Variants in MAP3K9 observed in about 807,000 individuals in gnomAD.
MAP3K9 encodes mixed lineage kinase 1 (tyr and ser/thr specificity).
Under a neutral mutation model 95.8 loss-of-function variants are expected in MAP3K9, and 46 were observed. The observed-to-expected ratio is 0.48, with a 90% CI of 0.38 to 0.61. MAP3K9 has a LOEUF of 0.61. Ranked by LOEUF, MAP3K9 falls within the 20% of genes least tolerant of loss-of-function variation. MAP3K9 has a pLI of 0.00. For synonymous variants in MAP3K9, 533 were observed against 593.8 expected (o/e 0.90, Z 1.49); for missense variants, 1,296 against 1,474.3 (o/e 0.88, Z 1.98).
chr14:70,736,018 C>G lies in MAP3K9; in HGVS notation c.1856G>C (p.Arg619Thr). 6.2e-7 allele frequency: 1 copy of G among 1,612,220 alleles called. No homozygotes were observed. Among genetic ancestry groups the G allele is most frequent in the Non-Finnish European group, 8.5e-7 (1 of 1,178,330 alleles). ...LASGDEGSPQ[R>T]REKANGLSTP... ...ACTTAAACCATTAGCTTTCTCACGTCTCTGAGGGGATCTTCAATGAATAAA... is the reference window on the plus strand; with the variant it reads ...ACTTAAACCATTAGCTTTCTCACGTGTCTGAGGGGATCTTCAATGAATAAA... The change falls in exon 9 of 12, where the codon AGA (arginine) becomes ACA (threonine). Residue 619 changes from arginine (R) to threonine (T), a missense_variant. Physicochemically the swap from Arg to Thr is moderately conservative, Grantham distance 71. Coordinates refer to ENST00000554752, the MANE Select transcript of MAP3K9 (RefSeq NM_001284230.2).
Position 70,729,539 on chromosome 14 carries a change from T to G in MAP3K9, c.*841A>C, listed in dbSNP as rs1019236776. On this transcript the variant is annotated 3_prime_UTR_variant, in exon 12 of 12. Coordinates refer to ENST00000554752, the MANE Select transcript of MAP3K9 (RefSeq NM_001284230.2). ...AGAAACTATTCCTGGGATGAGCAGA[T>G]GATTGTATCCGAACCTGGTCTGACG... 4.6e-5 allele frequency: 7 copies of G among 152,216 alleles called. No individual in the cohort carries two copies. Among genetic ancestry groups the G allele is most frequent in the Non-Finnish European group, 1.0e-4 (7 of 68,050 alleles). 9.4% of individuals were successfully genotyped at this position (152,216 alleles called of 1,614,324 possible).
At chr14:70,757,442 T>C (rs577684302) in intron 3 of MAP3K9, among the ~76,000 whole-genome samples, 2 of 138,018 alleles carry the variant, frequency 1.4e-5, no homozygotes, top group South Asian at 2.4e-4. Flanking sequence ...GCTCAAGCAA[T>C]TGAGACCCTG....
chr14:70,767,080 G>C (rs2054465573), intron 2 of MAP3K9, among the ~76,000 whole-genome samples: 1 of 152,106 alleles, frequency 6.6e-6, no homozygotes, highest in African/African-American at 2.4e-5. Flanking sequence ...ACAGGACCAG[G>C]CTCTTTGAAA....
At chr14:70,786,200 C>T (rs2054743005) in intron 2 of MAP3K9, among the ~76,000 whole-genome samples, 2 of 152,056 alleles carry the variant, frequency 1.3e-5, no homozygotes, top group African/African-American at 4.8e-5. Flanking sequence ...TGCATTTGGG[C>T]AAAGCAAGCT....
At chr14:70,735,710 C>CTAAAT (rs1448750674) in intron 9 of MAP3K9, among the ~76,000 whole-genome samples, 1 of 152,174 alleles carries the variant, frequency 6.6e-6, no homozygotes, top group African/African-American at 2.4e-5. Flanking sequence ...CTAAGCCTCT[C>CTAAAT]TAAAACCAAG....
chr14:70,780,788 G>C (rs925941065), intron 2 of MAP3K9, among the ~76,000 whole-genome samples: 4 of 152,202 alleles, frequency 2.6e-5, no homozygotes, highest in Admixed American at 1.3e-4. Flanking sequence ...TGACTGAGAA[G>C]AGCTGCCAGA....
chr14:70,806,592 A>G (rs1347626815), intron 1 of MAP3K9, among the ~76,000 whole-genome samples: 1 of 152,238 alleles, frequency 6.6e-6, no homozygotes. Flanking sequence ...TCTATCCAAG[A>G]TAACTTGTAT....
intron 2 of MAP3K9, among the ~76,000 whole-genome samples, chr14:70,791,529 A>G (rs1325018916): frequency 6.6e-6 from 1 of 152,180 alleles, no homozygotes; most frequent in Non-Finnish European, 1.5e-5. Flanking sequence ...CAACCACAGG[A>G]AAGGATGGAG....
chr14:70,805,556 A>T (rs2054980779), intron 1 of MAP3K9, among the ~76,000 whole-genome samples: 1 of 152,232 alleles, frequency 6.6e-6, no homozygotes, highest in Non-Finnish European at 1.5e-5. Flanking sequence ...ATGAATGTAA[A>T]ATGATTTATA....
At chr14:70,750,554 G>C (rs561103701) in intron 3 of MAP3K9, among the ~76,000 whole-genome samples, 1 of 152,046 alleles carries the variant, frequency 6.6e-6, no homozygotes, top group East Asian at 1.9e-4. Flanking sequence ...GCGTGATCTC[G>C]GCTCACTGCA....
chr14:70,772,295 A>C (rs2054542168), intron 2 of MAP3K9, among the ~76,000 whole-genome samples: 1 of 152,198 alleles, frequency 6.6e-6, no homozygotes, highest in Admixed American at 6.5e-5. Context: ...GGTGGAGAGA[A>C]TTGGCTCCTT....
Position 70,735,993 on chromosome 14 carries a change from A to G in MAP3K9, c.1881T>C (p.Ser627=), listed in dbSNP as rs1480425771. 3 of 1,613,624 alleles carry G rather than the reference A, an allele frequency of 1.9e-6. No homozygotes were observed. The highest frequency in any genetic ancestry group is 2.5e-6 in the Non-Finnish European group (3 of 1,179,648). ...GGAAATGTGGAGATTCTGATGGGGT[A>G]CTTAAACCATTAGCTTTCTCACGTC... ...PQRREKANGL[S]TPSESPHFHL... is the part of the protein sequence containing the mutation. The change falls in exon 9 of 12, where the codon AGT becomes AGC. Residue 627 remains serine (S), a synonymous_variant. Coordinates refer to ENST00000554752, the MANE Select transcript of MAP3K9 (RefSeq NM_001284230.2).
intron 3 of MAP3K9, 103 bp from the exon 4 acceptor site, chr14:70,750,184 T>C (rs979947065): frequency 3.9e-6 from 4 of 1,029,508 alleles, no homozygotes; most frequent in African/African-American, 3.2e-5. Context: ...CCCCAACAGA[T>C]AGTGAGACTA....
At chr14:70,799,726 G>A (rs12896914) in intron 2 of MAP3K9, among the ~76,000 whole-genome samples, 3,951 of 152,322 alleles carry the variant, frequency 0.026, 86 homozygotes, top group Middle Eastern at 0.11. Flanking sequence ...GCAAAACAAA[G>A]TCTGAAGGAT....
chr14:70,736,632 TACC>T (rs1243170823), intron 8 of MAP3K9, among the ~76,000 whole-genome samples: 6 of 152,310 alleles, frequency 3.9e-5, no homozygotes, highest in African/African-American at 1.4e-4. Flanking sequence ...GTTAATTTAC[TACC>T]AAGACCAAAA....
intron 11 of MAP3K9, among the ~76,000 whole-genome samples, chr14:70,732,041 T>C (rs75902769): frequency 0.045 from 6,823 of 152,242 alleles, 159 homozygotes; most frequent in East Asian, 0.092. Context: ...GGGGTGAGTG[T>C]TGAAGAGTGT....
chr14:70,785,424 T>G (rs2054734064), intron 2 of MAP3K9, among the ~76,000 whole-genome samples: 1 of 152,214 alleles, frequency 6.6e-6, no homozygotes, highest in South Asian at 2.1e-4. Context: ...CAGTAAGAGA[T>G]TAACACTAAC....
intron 5 of MAP3K9, among the ~76,000 whole-genome samples, chr14:70,743,257 G>A (rs2139736085): frequency 6.6e-6 from 1 of 152,202 alleles, no homozygotes; most frequent in East Asian, 1.9e-4. Flanking sequence ...CAAAGTGCTA[G>A]GATAACAGGC....
At chr14:70,760,430 T>A (rs1319987435) in intron 3 of MAP3K9, among the ~76,000 whole-genome samples, 1 of 152,182 alleles carries the variant, frequency 6.6e-6, no homozygotes, top group South Asian at 2.1e-4. Flanking sequence ...GGGCACATAT[T>A]TGGGACCCAT....
Sources: gnomAD v4.1 joint callset for allele counts (sites outside exome capture counted in the v4.1 genomes callset) on GRCh38, gnomAD v4.1.1 for gene constraint, MANE v1.5 for transcripts, NCBI Gene and HGNC (gene_info 2026-07-23, HGNC 2026-07-21) for gene names.